The following CYP19A1 variants were observed in gnomAD, a reference collection of about 807,000 sequenced individuals.
The protein encoded by CYP19A1 is aromatase.
A neutral mutation model predicts 44.4 loss-of-function variants in CYP19A1; 32 were observed. The observed-to-expected ratio is 0.72, with a 90% CI of 0.54 to 0.97. The LOEUF (loss-of-function observed/expected upper bound fraction) is 0.97, where lower values mean the gene tolerates loss of function less well. Ranked by LOEUF, CYP19A1 falls within the 50% of genes least tolerant of loss-of-function variation. The probability of loss-of-function intolerance (pLI) is 0.00; values close to 1 mark genes in which losing one functional copy is unlikely to be tolerated. For synonymous variants in CYP19A1, 212 were observed against 215.6 expected, an observed-to-expected ratio of 0.98 and a Z score of 0.14; for missense variants, 598 against 637.8, an observed-to-expected ratio of 0.94 and a Z score of 0.67.
At chr15:51,253,369 A>G (rs1566896739) in intron 1 of CYP19A1, among the ~76,000 whole-genome samples, 1 of 152,236 alleles carries the variant, frequency 6.6e-6, no homozygotes, top group Non-Finnish European at 1.5e-5. Flanking sequence ...GGGTCCCTAA[A>G]GAGCTATATG....
At chr15:51,319,444 A>G (rs2036488718) in intron 1 of CYP19A1, among the ~76,000 whole-genome samples, 1 of 152,192 alleles carries the variant, frequency 6.6e-6, no homozygotes, top group Non-Finnish European at 1.5e-5. Flanking sequence ...TGCACATACA[A>G]TTCTTATGAA....
At chr15:51,242,989 C>T (rs940734744) in intron 1 of CYP19A1, 39 bp from the exon 2 acceptor site, 2 of 1,017,800 alleles carry the variant, frequency 2.0e-6, no homozygotes, top group African/African-American at 3.1e-5. Context: ...ACAGAATCCC[C>T]TAAAAGGTTC....
chr15:51,302,069 T>G (rs2036125347), intron 1 of CYP19A1, among the ~76,000 whole-genome samples: 1 of 152,170 alleles, frequency 6.6e-6, no homozygotes, highest in Non-Finnish European at 1.5e-5. Flanking sequence ...TTCTTGATCA[T>G]TTTTGGGGGG....
intron 1 of CYP19A1, among the ~76,000 whole-genome samples, chr15:51,327,882 TAA>T (rs55671949): frequency 8.8e-5 from 13 of 147,148 alleles, no homozygotes; most frequent in East Asian, 3.9e-4. Context: ...ATTCATAATA[TAA>T]AAAAAAAATG....
At chr15:51,230,343 G>T (rs1293356031) in intron 3 of CYP19A1, among the ~76,000 whole-genome samples, 1 of 152,180 alleles carries the variant, frequency 6.6e-6, no homozygotes, top group Non-Finnish European at 1.5e-5. Context: ...TAGCACTGAG[G>T]AGAGTCCAGC....
At chr15:51,322,765 C>T (rs2036547968) in intron 1 of CYP19A1, among the ~76,000 whole-genome samples, 1 of 152,192 alleles carries the variant, frequency 6.6e-6, no homozygotes, top group Non-Finnish European at 1.5e-5. Context: ...TTGGGCCAGC[C>T]TCTACTGTGC....
chr15:51,334,689 T>C lies in CYP19A1; in HGVS notation c.-39+3806A>G, dbSNP rs147311608. On this transcript the variant is annotated intron_variant, in intron 1 of 9. Transcript: ENST00000396402. The stretch of plus-strand genomic sequence containing the variant: ...ATTTCTTTCTACAGCCTGTCACGGT[T>C]ACAATTTAAAGCCTACTAATGTTGG... Among the ~76,000 whole-genome samples the C allele has an allele frequency of 5.3e-5, 8 of 152,358 alleles. No homozygotes were observed. In the East Asian group the frequency reaches 1.5e-3, roughly 29 times the overall value.
At chr15:51,246,160 T>G (rs2034043283) in intron 1 of CYP19A1, among the ~76,000 whole-genome samples, 1 of 152,192 alleles carries the variant, frequency 6.6e-6, no homozygotes, top group African/African-American at 2.4e-5. Context: ...GTGGGTAGGT[T>G]AAACAGAAGC....
intron 1 of CYP19A1, among the ~76,000 whole-genome samples, chr15:51,301,763 AATG>A (rs1010312574): frequency 1.3e-5 from 2 of 152,222 alleles, no homozygotes; most frequent in Admixed American, 6.5e-5. Flanking sequence ...GCCCACTGGG[AATG>A]ATTAGAATCC....
Position 51,270,778 on chromosome 15 carries a change from G to T in CYP19A1, c.-38-27828C>A, listed in dbSNP as rs569560680. Among the ~76,000 whole-genome samples the T allele has an allele frequency of 4.6e-5, 7 of 152,204 alleles. No individual in the cohort carries two copies. The South Asian group carries it at 1.5e-3, about 32-fold the overall frequency. On this transcript the variant is annotated intron_variant, in intron 1 of 9. Transcript: ENST00000396402. ...AGAGTTCATGCTCTTTCCTCCCACC[G>T]CAAGCTGACTATCCCCAGGCTACAC...
chr15:51,222,570 C>A, intron 4 of CYP19A1, 45 bp from the exon 5 acceptor site: 1 of 1,520,112 alleles, frequency 6.6e-7, no homozygotes, highest in African/African-American at 1.4e-5. Context: ...AACTCCAGGG[C>A]ACACACACAA....
At chr15:51,328,548 GT>G (rs1462278204) in intron 1 of CYP19A1, among the ~76,000 whole-genome samples, 5 of 29,278 alleles carry the variant, frequency 1.7e-4, no homozygotes, top group East Asian at 1.2e-3. Context: ...CAGGGCAGGG[GT>G]GTGTGTGTGT....
intron 1 of CYP19A1, among the ~76,000 whole-genome samples, chr15:51,246,016 G>A (rs2034037666): frequency 6.6e-6 from 1 of 152,098 alleles, no homozygotes; most frequent in Non-Finnish European, 1.5e-5. Context: ...TTCACTCCTG[G>A]GCTATTTAGA....
At position 51,227,812 on chromosome 15, in the gene CYP19A1, G is replaced by A. The variant is rs780888050; in HGVS notation, c.418C>T (p.Leu140Phe). The A allele has an allele frequency of 6.5e-7, 1 of 1,547,450 alleles. No individual in the cohort carries two copies. Among genetic ancestry groups the A allele is most frequent in the Non-Finnish European group, 8.9e-7 (1 of 1,119,346 alleles). ...AAGAAGGGTCGAGTTGTTTTCCAGAGCTCTGGATTGTTGTTAAATATGATG... is the reference window on the plus strand; with the variant it reads ...AAGAAGGGTCGAGTTGTTTTCCAGAACTCTGGATTGTTGTTAAATATGATG... ...KGIIFNNNPE[L>F]WKTTRPFFMK... is the part of the protein sequence containing the mutation. The change falls in exon 4 of 10, where the codon CTC (leucine) becomes TTC (phenylalanine). Residue 140 changes from leucine (L) to phenylalanine (F), a missense_variant. Coordinates refer to ENST00000396402, the MANE Select transcript of CYP19A1 (RefSeq NM_000103.4).
chr15:51,290,701 C>T (rs2035822937), intron 1 of CYP19A1, among the ~76,000 whole-genome samples: 1 of 152,222 alleles, frequency 6.6e-6, no homozygotes, highest in South Asian at 2.1e-4. Flanking sequence ...GGGCCACTCT[C>T]AGAATTAACG....
chr15:51,224,634 G>GTTC (rs1242803633), intron 4 of CYP19A1, among the ~76,000 whole-genome samples: 1 of 152,154 alleles, frequency 6.6e-6, no homozygotes, highest in Non-Finnish European at 1.5e-5. Flanking sequence ...GCTCCTAAAT[G>GTTC]TTCTCACTGC....
intron 1 of CYP19A1, among the ~76,000 whole-genome samples, chr15:51,250,526 G>A (rs1408829674): frequency 1.3e-5 from 2 of 152,210 alleles, no homozygotes; most frequent in Non-Finnish European, 2.9e-5. Context: ...TTCCCAGTGG[G>A]CTGCATCTGA....
chr15:51,218,761 A>T, intron 5 of CYP19A1, 106 bp from the exon 6 acceptor site: 1 of 1,526,852 alleles, frequency 6.5e-7, no homozygotes, highest in Non-Finnish European at 8.8e-7. Flanking sequence ...TTCTCCTAAC[A>T]GTCTGGGGGT....
chr15:51,263,737 C>A (rs963166025), intron 1 of CYP19A1, among the ~76,000 whole-genome samples: 4 of 152,182 alleles, frequency 2.6e-5, no homozygotes, highest in African/African-American at 9.7e-5. Flanking sequence ...ATCCAATCCT[C>A]CCAGGCTGCT....
Sources: gnomAD v4.1 joint callset for allele counts (sites outside exome capture counted in the v4.1 genomes callset) on GRCh38, gnomAD v4.1.1 for gene constraint, MANE v1.5 for transcripts, NCBI Gene and HGNC (gene_info 2026-07-23, HGNC 2026-07-21) for gene names.